Variants in DLGAP1 observed in about 807,000 individuals in gnomAD.
DLGAP1 encodes DLG associated protein 1, also known as disks large-associated protein 1.
A neutral mutation model predicts 90.8 loss-of-function variants in DLGAP1; 11 were observed. The observed-to-expected ratio is 0.12, with a 90% CI of 0.08 to 0.20. DLGAP1 has a LOEUF of 0.20. DLGAP1 is among the 10% of genes least tolerant of loss of function. DLGAP1 has a pLI of 1.00. For missense variants in DLGAP1, 1,050 were observed against 1,333.8 expected (o/e 0.79, Z 3.31); for synonymous variants, 558 against 540.7 (o/e 1.03, Z -0.44).
At chr18:3,549,829 TA>T (rs1235548399) in intron 9 of DLGAP1, among the ~76,000 whole-genome samples, 2 of 152,188 alleles carry the variant, frequency 1.3e-5, no homozygotes, top group Admixed American at 1.3e-4. Flanking sequence ...CCTAAATTCA[TA>T]TGTTGAAGTC....
chr18:3,550,734 C>CTTTTTTTTTTTT (rs1165404588), intron 9 of DLGAP1, among the ~76,000 whole-genome samples: 1 of 85,204 alleles, frequency 1.2e-5, no homozygotes, highest in African/African-American at 4.1e-5. Flanking sequence ...GAACCAGACC[C>CTTTTTTTTTTTT]TTTTTTTTTT....
At chr18:3,843,559 A>C (rs1161316540) in intron 4 of DLGAP1, among the ~76,000 whole-genome samples, 3 of 152,182 alleles carry the variant, frequency 2.0e-5, no homozygotes, top group Non-Finnish European at 4.4e-5. Context: ...ATGAAATGAG[A>C]AAAATAGCAG....
At chr18:4,367,666 G>A (rs1310346057) in intron 1 of DLGAP1, among the ~76,000 whole-genome samples, 1 of 152,046 alleles carries the variant, frequency 6.6e-6, no homozygotes, top group Non-Finnish European at 1.5e-5. Context: ...TGGCTAACAT[G>A]GTGAAACCCC....
chr18:3,700,250 G>T (rs140666155), intron 7 of DLGAP1, among the ~76,000 whole-genome samples: 1 of 152,168 alleles, frequency 6.6e-6, no homozygotes, highest in Non-Finnish European at 1.5e-5. Context: ...GGCCCTGGTG[G>T]TGTAGGCACC....
At chr18:3,614,591 C>T (rs974423242) in intron 7 of DLGAP1, among the ~76,000 whole-genome samples, 5 of 150,866 alleles carry the variant, frequency 3.3e-5, no homozygotes, top group South Asian at 2.1e-4. Flanking sequence ...TGGAGTCTCC[C>T]GCACTTTGGG....
chr18:4,307,990 C>T (rs368223334), intron 1 of DLGAP1, among the ~76,000 whole-genome samples: 3 of 152,150 alleles, frequency 2.0e-5, no homozygotes, highest in Non-Finnish European at 4.4e-5. Flanking sequence ...GCTGGGATTA[C>T]GGGCATGAGC....
chr18:3,767,839 G>A (rs1422815026), intron 5 of DLGAP1, among the ~76,000 whole-genome samples: 1 of 152,028 alleles, frequency 6.6e-6, no homozygotes, highest in Non-Finnish European at 1.5e-5. Flanking sequence ...AAGACAGAAT[G>A]TTTTCCCCCT....
intron 1 of DLGAP1, among the ~76,000 whole-genome samples, chr18:4,380,696 C>T (rs1378187735): frequency 6.6e-6 from 1 of 152,178 alleles, no homozygotes; most frequent in African/African-American, 2.4e-5. Flanking sequence ...TCTGGCTTTG[C>T]CATATCATTA....
At chr18:4,338,031 G>T (rs1166763740) in intron 1 of DLGAP1, among the ~76,000 whole-genome samples, 2 of 152,096 alleles carry the variant, frequency 1.3e-5, no homozygotes, top group African/African-American at 2.4e-5. Context: ...TCTCTCTGCT[G>T]TATTTAAGAT....
At chr18:4,058,859 A>G (rs2075261021) in intron 2 of DLGAP1, among the ~76,000 whole-genome samples, 1 of 152,224 alleles carries the variant, frequency 6.6e-6, no homozygotes, top group Admixed American at 6.5e-5. Context: ...CTTAAAGAAC[A>G]TGGGAAATTG....
chr18:4,199,724 TAAG>T (rs1319263694), intron 1 of DLGAP1, among the ~76,000 whole-genome samples: 2 of 152,226 alleles, frequency 1.3e-5, no homozygotes, highest in African/African-American at 4.8e-5. Flanking sequence ...ATGGAAGAGA[TAAG>T]AAGAATGCAA....
chr18:3,774,925 C>T (rs1460998626), intron 5 of DLGAP1, among the ~76,000 whole-genome samples: 2 of 152,172 alleles, frequency 1.3e-5, no homozygotes, highest in Non-Finnish European at 2.9e-5. Context: ...CCTCCCACCA[C>T]CTCCTGCACT....
chr18:4,221,760 G>A (rs1225888596), intron 1 of DLGAP1, among the ~76,000 whole-genome samples: 2 of 151,964 alleles, frequency 1.3e-5, no homozygotes, highest in Non-Finnish European at 2.9e-5. Flanking sequence ...ATGACTTTTT[G>A]CCTCCATTTT....
intron 7 of DLGAP1, among the ~76,000 whole-genome samples, chr18:3,681,196 T>G (rs1372635367): frequency 6.6e-6 from 1 of 152,230 alleles, no homozygotes; most frequent in African/African-American, 2.4e-5. Context: ...TTAAGTGGAC[T>G]TGAAAACAGT....
Position 4,342,554 on chromosome 18 carries a change from T to C in DLGAP1, c.-267+112452A>G, listed in dbSNP as rs1336871627. On this transcript the variant is annotated intron_variant, in intron 1 of 12. Transcript: ENST00000315677. This position sits in a 1 kb window ranked among gnomAD's most constrained non-coding sequence, Gnocchi z 5.8. ...TATGGTGCATTTACTTGTAAATGCT[T>C]TGATGAAATAATTTAATTACATCAT... Among the ~76,000 whole-genome samples, 1 of 152,186 alleles carries C rather than the reference T, an allele frequency of 6.6e-6. No homozygotes were observed. The highest frequency in any genetic ancestry group is 2.4e-5 in the African/African-American group (1 of 41,446).
At chr18:3,767,637 T>G (rs1197641832) in intron 5 of DLGAP1, among the ~76,000 whole-genome samples, 1 of 152,094 alleles carries the variant, frequency 6.6e-6, no homozygotes, top group African/African-American at 2.4e-5. Context: ...TAATGTAATC[T>G]ATTGATACCA....
Position 4,379,553 on chromosome 18 carries a change from T to A in DLGAP1, c.-267+75453A>T, listed in dbSNP as rs77976628. 3.7e-3 allele frequency among the ~76,000 whole-genome samples: 563 copies of A among 152,200 alleles called. 6 individuals carry two copies. Among genetic ancestry groups the A allele is most frequent in the Middle Eastern group, 6.8e-3 (2 of 294 alleles). ...AGGACATGATGCCAACTCATACCAA[T>A]CATTCCTGAATACATCACACAAAAT... is the stretch of plus-strand genomic sequence containing the variant. On this transcript the variant is annotated intron_variant, in intron 1 of 12. Transcript: ENST00000315677.
At chr18:3,562,474 G>A (rs1164600540) in intron 9 of DLGAP1, among the ~76,000 whole-genome samples, 1 of 151,548 alleles carries the variant, frequency 6.6e-6, no homozygotes. Context: ...ATGATAACGA[G>A]TGGGTCTCAT....
intron 5 of DLGAP1, among the ~76,000 whole-genome samples, chr18:3,784,759 TA>T (rs1260737402): frequency 6.6e-6 from 1 of 152,202 alleles, no homozygotes; most frequent in East Asian, 1.9e-4. Context: ...TTTATTTTGT[TA>T]AAAACTGTAT....
Sources: gnomAD v4.1 joint callset for allele counts (sites outside exome capture counted in the v4.1 genomes callset) on GRCh38, gnomAD v4.1.1 for gene constraint, Gnocchi (gnomAD v3.1) non-coding constraint, MANE v1.5 for transcripts, NCBI Gene and HGNC (gene_info 2026-07-23, HGNC 2026-07-21) for gene names.